Variants in HDAC8 observed in about 807,000 individuals in gnomAD.
The protein encoded by HDAC8 is histone deacetylase 8.
In HDAC8, 1 loss-of-function variant was observed where a neutral mutation model predicts 32.2. The observed-to-expected ratio is 0.03, with a 90% confidence interval of 0.01 to 0.15. The LOEUF (loss-of-function observed/expected upper bound fraction) is 0.15. Among genes scored for constraint, HDAC8 ranks in the 10% least tolerant of loss-of-function variants. HDAC8 has a pLI of 1.00. For synonymous variants in HDAC8, 108 were observed against 113.9 expected (o/e 0.95, Z 0.33); for missense variants, 117 against 300.0 (o/e 0.39, Z 4.51).
At chrX:72,556,220 A>G (rs1169417077) in intron 4 of HDAC8, among the ~76,000 whole-genome samples, 5 of 112,200 alleles carry the variant, frequency 4.5e-5, no homozygotes, top group African/African-American at 6.5e-5. Context: ...ATTTGCCACT[A>G]CAAAGCCAGC....
chrX:72,429,804 C>G (rs190818982), intron 9 of HDAC8, among the ~76,000 whole-genome samples: 1 of 111,868 alleles, frequency 8.9e-6, no homozygotes, highest in Non-Finnish European at 1.9e-5. Context: ...TATCTAGCAA[C>G]GATTTAAGAA....
Position 72,565,026 on chromosome X carries a change from C to T in HDAC8, c.437+2863G>A, listed in dbSNP as rs942024114. On this transcript the variant is annotated intron_variant, in intron 4 of 10. Coordinates refer to ENST00000373573, the MANE Select transcript of HDAC8 (RefSeq NM_018486.3). ...TATGAACATTTTTTCCCATTCTTAA[C>T]ACTTCCAAGGTTTTCAAAAGGGGTT... is the stretch of plus-strand genomic sequence containing the variant. Among the ~76,000 whole-genome samples the T allele has an allele frequency of 5.4e-5, 6 of 111,947 alleles. No individual in the cohort carries two copies. The Admixed American group carries it at 5.7e-4, about 11-fold the overall frequency.
intron 9 of HDAC8, among the ~76,000 whole-genome samples, chrX:72,387,529 G>A (rs1457836535): frequency 3.6e-5 from 4 of 111,743 alleles, no homozygotes; most frequent in Admixed American, 9.5e-5. Flanking sequence ...AGGTTGTGTA[G>A]GGTAGTGGTG....
chrX:72,541,780 T>C (rs1400164345), intron 4 of HDAC8, among the ~76,000 whole-genome samples: 8 of 111,456 alleles, frequency 7.2e-5, no homozygotes, highest in African/African-American at 2.6e-4. Flanking sequence ...TTCTGATATG[T>C]TTGACTTAAA....
In HDAC8 at chrX:72,415,942, C is replaced by T. The variant is rs573502854; in HGVS notation, c.1005+46062G>A. On this transcript the variant is annotated intron_variant, in intron 9 of 10. Transcript: ENST00000373573. The stretch of plus-strand genomic sequence containing the variant: ...GTTTTTTATGCTTCTGAGATGCTGC[C>T]TGCTGTGTCTTTCAGATGTCAAAGC... 5.4e-5 allele frequency among the ~76,000 whole-genome samples: 6 copies of T among 111,539 alleles called. No homozygotes were observed. In the South Asian group the frequency reaches 2.3e-3, roughly 42 times the overall value.
chrX:72,489,053 A>G lies in HDAC8; in HGVS notation c.629-12T>C, dbSNP rs2048771828. On this transcript the variant is annotated splice_polypyrimidine_tract_variant and intron_variant, in intron 6 of 10. Coordinates refer to ENST00000373573, the MANE Select transcript of HDAC8 (RefSeq NM_018486.3). Reference sequence around the variant, plus strand: ...CACGTCACCTGTTCCTATAAAAGAGAAGAGCACTATGATCAGTTATTAGGA... The same window carrying G: ...CACGTCACCTGTTCCTATAAAAGAGGAGAGCACTATGATCAGTTATTAGGA... 3 of 1,097,616 alleles carry G rather than the reference A, an allele frequency of 2.7e-6. No individual in the cohort carries two copies. The highest frequency in any genetic ancestry group is 3.7e-6 in the Non-Finnish European group (3 of 803,659). 90.5% of individuals were successfully genotyped at this position (1,097,616 alleles called of 1,213,427 possible).
intron 10 of HDAC8, among the ~76,000 whole-genome samples, chrX:72,350,680 A>C (rs1189619878): frequency 1.8e-5 from 2 of 112,464 alleles, no homozygotes; most frequent in Admixed American, 1.9e-4. Flanking sequence ...GGGTGCCAAA[A>C]ATACGTAATG....
intron 8 of HDAC8, among the ~76,000 whole-genome samples, chrX:72,462,727 G>A (rs2047900519): frequency 9.0e-6 from 1 of 111,268 alleles, no homozygotes; most frequent in South Asian, 3.9e-4. Flanking sequence ...TCACCCAACG[G>A]CCATATTATA....
At chrX:72,561,462 G>C (rs184227177) in intron 4 of HDAC8, among the ~76,000 whole-genome samples, 2 of 112,236 alleles carry the variant, frequency 1.8e-5, no homozygotes, top group East Asian at 5.6e-4. Context: ...AAATGGTGCT[G>C]GGATAATTGG....
chrX:72,333,077 A>G lies in HDAC8; in HGVS notation c.1112-3001T>C, dbSNP rs986418455. On this transcript the variant is annotated intron_variant, in intron 10 of 10. Coordinates refer to ENST00000373573, the MANE Select transcript of HDAC8 (RefSeq NM_018486.3). ...TGTAAAGCAAAAGTTGATTTTGATGAGCTCCAATTCCTTATCAATTTTTTT... is the reference window on the plus strand; with the variant it reads ...TGTAAAGCAAAAGTTGATTTTGATGGGCTCCAATTCCTTATCAATTTTTTT... Among the ~76,000 whole-genome samples the G allele has an allele frequency of 3.6e-5, 4 of 111,672 alleles. No individual in the cohort carries two copies. In the South Asian group the frequency reaches 1.5e-3, roughly 42 times the overall value.
intron 7 of HDAC8, among the ~76,000 whole-genome samples, chrX:72,486,169 G>T (rs113438475): frequency 0.012 from 1,386 of 112,215 alleles, 15 homozygotes; most frequent in African/African-American, 0.035. Context: ...TAAACTAAAT[G>T]ACTTTTTACA....
chrX:72,553,428 T>G (rs1231757795), intron 4 of HDAC8, among the ~76,000 whole-genome samples: 14 of 111,848 alleles, frequency 1.3e-4, no homozygotes, highest in African/African-American at 4.6e-4. Flanking sequence ...TTGTTGAATA[T>G]TTGGGTCTCC....
chrX:72,508,530 C>T (rs1221482759), intron 4 of HDAC8, among the ~76,000 whole-genome samples: 1 of 112,510 alleles, frequency 8.9e-6, no homozygotes, highest in Non-Finnish European at 1.9e-5. Context: ...TTGTCCCCTC[C>T]AAAACTCGTG....
At chrX:72,387,826 A>G (rs1338786394) in intron 9 of HDAC8, among the ~76,000 whole-genome samples, 1 of 111,217 alleles carries the variant, frequency 9.0e-6, no homozygotes, top group African/African-American at 3.3e-5. Context: ...TTTGCCCTTG[A>G]ATTTAGTATA....
In HDAC8 at chrX:72,490,916, T is replaced by G; in HGVS notation, c.628+13A>C. ...TAGTCATCAAATGTAATACTGAGTTTATGATCACTTGCCTGGGAAAAATCC... is the reference window on the plus strand; with the variant it reads ...TAGTCATCAAATGTAATACTGAGTTGATGATCACTTGCCTGGGAAAAATCC... On this transcript the variant is annotated intron_variant, in intron 6 of 10. Transcript: ENST00000373573. 8.6e-7 allele frequency: 1 copy of G among 1,159,600 alleles called. No individual in the cohort carries two copies. The highest frequency in any genetic ancestry group is 1.2e-6 in the Non-Finnish European group (1 of 848,373).
chrX:72,358,051 C>T (rs1555951360), intron 9 of HDAC8, among the ~76,000 whole-genome samples: 2 of 109,520 alleles, frequency 1.8e-5, no homozygotes, highest in African/African-American at 6.7e-5. Flanking sequence ...ATTATAGGCG[C>T]GCACCACCAC....
intron 4 of HDAC8, among the ~76,000 whole-genome samples, chrX:72,536,759 C>T (rs782591846): frequency 3.0e-4 from 34 of 111,886 alleles, no homozygotes; most frequent in Admixed American, 1.3e-3. Context: ...CCTTTTTTGG[C>T]TCTGGTACAC....
intron 7 of HDAC8, chrX:72,480,597 C>T: frequency 4.2e-6 from 1 of 237,000 alleles, no homozygotes; most frequent in South Asian, 4.3e-5. Flanking sequence ...TATAAAGACA[C>T]ATGCACATGT....
In HDAC8 at chrX:72,530,444, G is replaced by GTT. The variant is rs1232261962; in HGVS notation, c.438-35178_438-35177dup. On this transcript the variant is annotated intron_variant, in intron 4 of 10. Coordinates refer to ENST00000373573, the MANE Select transcript of HDAC8 (RefSeq NM_018486.3). ...TGAATACTCATATGCTATTTTATGC[G>GTT]TTTTTTTTTTTTTTTTTGGTTACAG... 1.3e-3 allele frequency among the ~76,000 whole-genome samples: 106 copies of GTT among 80,143 alleles called. 1 individual carries two copies. The highest frequency in any genetic ancestry group is 4.3e-3 in the African/African-American group (97 of 22,494). 69.6% of individuals were successfully genotyped at this position (80,143 alleles called of 115,157 possible).
Sources: gnomAD v4.1 joint callset for allele counts (sites outside exome capture counted in the v4.1 genomes callset) on GRCh38, gnomAD v4.1.1 for gene constraint, MANE v1.5 for transcripts, NCBI Gene and HGNC (gene_info 2026-07-23, HGNC 2026-07-21) for gene names.